CSMD1: variants seen among roughly 807,000 people sequenced by gnomAD.
CSMD1 encodes CUB and Sushi multiple domains 1.
A neutral mutation model predicts 417.5 loss-of-function variants in CSMD1; 213 were observed. The ratio of observed to expected loss-of-function variants is 0.51; its 90% CI spans 0.46 to 0.57. CSMD1 has a LOEUF of 0.57. Among genes scored for constraint, CSMD1 ranks in the 20% least tolerant of loss-of-function variants. The pLI is 0.00. For synonymous variants in CSMD1, 2,862 were observed against 1,736.8 expected (o/e 1.65, Z -16.11); for missense variants, 6,923 against 4,529.7 (o/e 1.53, Z -15.17).
At chr8:3,474,840 G>A (rs1403581723) in intron 11 of CSMD1, among the ~76,000 whole-genome samples, 1 of 151,994 alleles carries the variant, frequency 6.6e-6, no homozygotes, top group South Asian at 2.1e-4. Flanking sequence ...AGTACATATT[G>A]TTCTGATTTA....
chr8:4,949,917 TG>T (rs2117277370), intron 1 of CSMD1, among the ~76,000 whole-genome samples: 1 of 151,704 alleles, frequency 6.6e-6, no homozygotes, highest in African/African-American at 2.4e-5. Context: ...AACTTGAGTG[TG>T]TGTGTGTGTG....
intron 5 of CSMD1, among the ~76,000 whole-genome samples, chr8:3,808,464 T>G (rs1309433132): frequency 6.6e-6 from 1 of 152,184 alleles, no homozygotes; most frequent in Non-Finnish European, 1.5e-5. Flanking sequence ...GTTTCTCTCT[T>G]TATACTTTTC....
At chr8:4,223,304 C>G (rs143606179) in intron 3 of CSMD1, among the ~76,000 whole-genome samples, 21 of 152,366 alleles carry the variant, frequency 1.4e-4, no homozygotes, top group African/African-American at 5.0e-4. Context: ...TTCACCTGCA[C>G]ACTCGTGGGG....
chr8:3,460,398 G>C (rs1406633648), intron 12 of CSMD1, among the ~76,000 whole-genome samples: 1 of 152,176 alleles, frequency 6.6e-6, no homozygotes, highest in South Asian at 2.1e-4. Context: ...CCACTTTACA[G>C]AATATTCTGT....
intron 20 of CSMD1, among the ~76,000 whole-genome samples, chr8:3,359,629 G>A (rs1585050055): frequency 6.6e-6 from 1 of 151,142 alleles, no homozygotes; most frequent in Non-Finnish European, 1.5e-5. Flanking sequence ...AAGTGATGTT[G>A]GTCAATGGAT....
chr8:3,511,364 G>C (rs1047953059), intron 10 of CSMD1, among the ~76,000 whole-genome samples: 5 of 137,430 alleles, frequency 3.6e-5, no homozygotes, highest in African/African-American at 1.1e-4. Context: ...ATGTATCCCA[G>C]AACTTAAAGT....
At chr8:4,031,259 G>C (rs990511459) in intron 4 of CSMD1, among the ~76,000 whole-genome samples, 3 of 152,146 alleles carry the variant, frequency 2.0e-5, no homozygotes, top group Admixed American at 6.5e-5. Context: ...AGACATACCT[G>C]AGCCTGGGCA....
chr8:4,553,785 T>C (rs1432286567), intron 2 of CSMD1, among the ~76,000 whole-genome samples: 1 of 152,230 alleles, frequency 6.6e-6, no homozygotes, highest in East Asian at 1.9e-4. Context: ...TCGTCCTATG[T>C]CTGCCATGAA....
intron 1 of CSMD1, among the ~76,000 whole-genome samples, chr8:4,955,094 G>A (rs1053255422): frequency 1.3e-5 from 2 of 152,100 alleles, no homozygotes; most frequent in Non-Finnish European, 2.9e-5. Context: ...AATCGCTTCA[G>A]CATCACAGAA....
At chr8:4,702,025 G>A (rs568813851) in intron 1 of CSMD1, among the ~76,000 whole-genome samples, 29 of 152,234 alleles carry the variant, frequency 1.9e-4, no homozygotes, top group East Asian at 3.9e-4. Flanking sequence ...ACCAAACACC[G>A]CATCTTCTCA....
intron 20 of CSMD1, among the ~76,000 whole-genome samples, chr8:3,360,691 G>A (rs138565560): frequency 2.8e-4 from 43 of 152,254 alleles, no homozygotes; most frequent in Admixed American, 2.6e-3. Context: ...GGGAAGAAAC[G>A]TTTAGAAAAC....
chr8:3,602,994 G>C (rs915852034), intron 8 of CSMD1, among the ~76,000 whole-genome samples: 2 of 152,184 alleles, frequency 1.3e-5, no homozygotes, highest in Admixed American at 6.5e-5. Flanking sequence ...TGAAAAGACT[G>C]TGTAAGAGAG....
At chr8:4,692,605 G>A (rs966609121) in intron 1 of CSMD1, among the ~76,000 whole-genome samples, 1 of 152,186 alleles carries the variant, frequency 6.6e-6, no homozygotes, top group East Asian at 1.9e-4. Flanking sequence ...GGATTCTGCA[G>A]GCAAAGCCAT....
intron 26 of CSMD1, among the ~76,000 whole-genome samples, chr8:3,282,017 C>T (rs1336421130): frequency 1.3e-5 from 2 of 152,160 alleles, no homozygotes; most frequent in Non-Finnish European, 2.9e-5. Context: ...CCTTTACCTT[C>T]TGCCATGACT....
intron 49 of CSMD1, among the ~76,000 whole-genome samples, chr8:3,065,510 A>G (rs1452130679): frequency 1.3e-5 from 2 of 152,128 alleles, no homozygotes; most frequent in Non-Finnish European, 2.9e-5. Context: ...AAGAGATAGG[A>G]AGATGATAGG....
At chr8:4,129,603 T>C (rs1005935033) in intron 3 of CSMD1, among the ~76,000 whole-genome samples, 2 of 151,724 alleles carry the variant, frequency 1.3e-5, no homozygotes, top group African/African-American at 4.8e-5. Context: ...TTATTATTAC[T>C]GACCTACTCT....
chr8:4,236,754 T>C (rs1259705123), intron 3 of CSMD1, among the ~76,000 whole-genome samples: 2 of 152,180 alleles, frequency 1.3e-5, no homozygotes, highest in Non-Finnish European at 2.9e-5. Context: ...TTAAAATGGC[T>C]TATCTCAATA....
chr8:3,273,863 C>G (rs554517687), intron 26 of CSMD1, among the ~76,000 whole-genome samples: 10 of 151,976 alleles, frequency 6.6e-5, no homozygotes, highest in African/African-American at 2.4e-4. Context: ...TTTTGTGGAT[C>G]CTTTCAAAAA....
rs66505944 is a variant in CSMD1, at chr8:4,129,092, AC to A, written c.416-96994del. On this transcript the variant is annotated intron_variant, in intron 3 of 69. Coordinates refer to ENST00000635120, the MANE Select transcript of CSMD1 (RefSeq NM_033225.6). ...TCCAACTCAAAAAAAAAAAAAAAAA[AC>A]AAAACAAAAAAAACAGAATTTTTAT... Among the ~76,000 whole-genome samples, 745 of 109,330 alleles carry A rather than the reference AC, an allele frequency of 6.8e-3. 11 individuals are homozygous for A. Among genetic ancestry groups the A allele is most frequent in the South Asian group, 0.041 (109 of 2,644 alleles). The allele number at this position is 109,330 out of a possible 152,430, so 71.7% of individuals were successfully genotyped here.
Sources: gnomAD v4.1 joint callset for allele counts (sites outside exome capture counted in the v4.1 genomes callset) on GRCh38, gnomAD v4.1.1 for gene constraint, MANE v1.5 for transcripts, NCBI Gene and HGNC (gene_info 2026-07-23, HGNC 2026-07-21) for gene names.